TTN: variants seen among roughly 807,000 people sequenced by gnomAD.
TTN encodes titin.
Under a neutral mutation model 3,223.0 loss-of-function variants are expected in TTN, and 1,525 were observed. The observed-to-expected ratio is 0.47, with a 90% CI of 0.45 to 0.49. TTN has a LOEUF of 0.49. TTN is among the 20% of genes least tolerant of loss of function. The pLI is 0.00. For missense variants in TTN, 40,786 were observed against 43,424.0 expected (o/e 0.94, Z 5.40); for synonymous variants, 14,094 against 15,161.0 (o/e 0.93, Z 5.17).
Position 178,706,721 on chromosome 2 carries a change from A to C in TTN, c.29153T>G (p.Ile9718Ser), listed in dbSNP as rs4893852. 2.1e-5 allele frequency: 33 copies of C among 1,608,770 alleles called. No individual in the cohort carries two copies. The highest frequency in any genetic ancestry group is 2.7e-5 in the African/African-American group (2 of 74,644). ...GATTGGGTCACCTCCAACTTTTGCAATGAAGGTCGCAGTGGTTTCTAAGGA... is the reference window on the plus strand; with the variant it reads ...GATTGGGTCACCTCCAACTTTTGCACTGAAGGTCGCAGTGGTTTCTAAGGA... Reference protein sequence around the residue: ...RVVEKTTATFIAKVGGDPIPN... With the variant: ...RVVEKTTATFSAKVGGDPIPN... The change falls in exon 102 of 363, where the codon ATT (isoleucine) becomes AGT (serine). Residue 9718 changes from isoleucine to serine, a missense_variant. Coordinates refer to ENST00000589042, the MANE Select transcript of TTN (RefSeq NM_001267550.2).
chr2:178,695,842 C>G (rs2073607859), intron 114 of TTN, 23 bp downstream of exon 114: 3 of 1,368,626 alleles, frequency 2.2e-6, no homozygotes, highest in Non-Finnish European at 2.8e-6. Context: ...AAGAGGGAAA[C>G]AAGTCATTCA....
intron 3 of TTN, among the ~76,000 whole-genome samples, 157 bp downstream of exon 3, chr2:178,801,981 A>T (rs1452546677): frequency 4.6e-5 from 7 of 152,242 alleles, no homozygotes; most frequent in African/African-American, 1.7e-4. Flanking sequence ...TCCAAAAGGC[A>T]AACAACTTGG....
Position 178,615,221 on chromosome 2 carries a change from A to G in TTN, c.48638+86T>C, listed in dbSNP as rs1274511967. 3 of 1,498,468 alleles carry G rather than the reference A, an allele frequency of 2.0e-6. No homozygotes were observed. In the African/African-American group the frequency reaches 4.2e-5, roughly 21 times the overall value. The allele number at this position is 1,498,468 out of a possible 1,614,324, so 92.8% of individuals were successfully genotyped here. On this transcript the variant is annotated intron_variant, in intron 259 of 362. Transcript: ENST00000589042. ...GGCAGCATAGGATTCTCAATGAAAA[A>G]AGACAAACATTTAAATTTTCCCCAA... is the stretch of plus-strand genomic sequence containing the variant.
rs1259789379 is a variant in TTN, at chr2:178,673,195, G to C, written c.34786+438C>G. Among the ~76,000 whole-genome samples the C allele has an allele frequency of 3.3e-5, 5 of 151,658 alleles. No homozygotes were observed. The East Asian group carries it at 9.6e-4, about 29-fold the overall frequency. ...CATTTTGTAATAACCTTGAATGCTT[G>C]GGCTAAACATTACAAAAGGGACGTG... On this transcript the variant is annotated intron_variant, in intron 152 of 362. Coordinates refer to ENST00000589042, the MANE Select transcript of TTN (RefSeq NM_001267550.2).
rs755011962 is a variant in TTN at position 178,573,282 on chromosome 2, C to A, written c.72850G>T (p.Val24284Leu). The change falls in exon 326 of 363, where the codon GTG (valine) becomes TTG (leucine). Residue 24284 changes from valine (V) to leucine (L), a missense_variant. Coordinates refer to ENST00000589042, the MANE Select transcript of TTN (RefSeq NM_001267550.2). ...TCATGTCCTTCTGTCAGTCCAGACA[C>A]TTTATATCTTAAATCAGTAAGAGTT... ...KKTLTDLRYK[V>L]SGLTEGHEYE... 1 of 1,595,154 alleles carries A rather than the reference C, an allele frequency of 6.3e-7. No homozygotes were observed.
At chr2:178,685,178 C>T in intron 129 of TTN, 75 bp downstream of exon 129, 3 of 1,304,610 alleles carry the variant, frequency 2.3e-6, no homozygotes, top group Non-Finnish European at 3.2e-6. Flanking sequence ...ATGCATAAGA[C>T]AGTTATGCAA....
chr2:178,684,418 A>G lies in TTN; in HGVS notation c.32639-5T>C, dbSNP rs2154274689. The G allele has an allele frequency of 6.2e-7, 1 of 1,613,262 alleles. No homozygotes were observed. Among genetic ancestry groups the G allele is most frequent in the East Asian group, 2.2e-5 (1 of 44,866 alleles). On this transcript the variant is annotated splice_region_variant and splice_polypyrimidine_tract_variant and intron_variant, in intron 131 of 362. Coordinates refer to ENST00000589042, the MANE Select transcript of TTN (RefSeq NM_001267550.2). ...TTTGCATGTGCCTCTCAGTCACTTA[A>G]AAGATAATTTTAGGATTAGGGAGTT...
In TTN at chr2:178,688,776, C is replaced by T; in HGVS notation, c.32098G>A (p.Glu10700Lys). ...TCTACAACAGTTTTCTTAGAGACTTCAGCTTTAAGAAAGTGTTAAAGTTGA... is the reference window on the plus strand; with the variant it reads ...TCTACAACAGTTTTCTTAGAGACTTTAGCTTTAAGAAAGTGTTAAAGTTGA... ...VAKKAPPPRAEVSKKTVVEEK... is the reference protein window; with the variant it reads ...VAKKAPPPRAKVSKKTVVEEK... Residue 10700 changes from glutamate (E) to lysine (K), a missense_variant and splice_region_variant, in exon 126 of 363, where the codon GAA becomes AAA. Glu to Lys is a moderately conservative substitution (Grantham distance 56). Coordinates refer to ENST00000589042, the MANE Select transcript of TTN (RefSeq NM_001267550.2). The T allele has an allele frequency of 6.3e-7, 1 of 1,599,076 alleles. No individual in the cohort carries two copies. The highest frequency in any genetic ancestry group is 1.1e-5 in the South Asian group (1 of 90,312).
At position 178,723,577 on chromosome 2, in the gene TTN, T is replaced by C. The variant is rs373166589; in HGVS notation, c.21523A>G (p.Arg7175Gly). The stretch of plus-strand genomic sequence containing the variant: ...CACCGGTCTCCTTTCACTAGTTCTC[T>C]GGCACCTCTGAACCAGTTGACTTTG... ...PFKVNWFRGA[R>G]ELVKGDRCNI... Residue 7175 changes from arginine (R) to glycine (G), a missense_variant, in exon 74 of 363, where the codon AGA becomes GGA. Arg to Gly is a moderately radical substitution (Grantham distance 125). Coordinates refer to ENST00000589042, the MANE Select transcript of TTN (RefSeq NM_001267550.2). 7 of 1,613,328 alleles carry C rather than the reference T, an allele frequency of 4.3e-6. No individual in the cohort carries two copies. The highest frequency in any genetic ancestry group is 1.7e-5 in the Admixed American group (1 of 59,940).
rs202024134 is a variant in TTN at position 178,770,192 on chromosome 2, T to C, written c.8509A>G (p.Ser2837Gly). The C allele has an allele frequency of 1.2e-6, 2 of 1,614,162 alleles. No individual in the cohort carries two copies. Among genetic ancestry groups the C allele is most frequent in the Admixed American group, 3.3e-5 (2 of 60,020 alleles). ...TCTGAGACCAGTCTGTGTTTGTCAC[T>C]TGGCTTAATTTCCACACTCTTATGG... Reference protein sequence around the residue: ...WFHKSVEIKPSDKHRLVSERK... With the variant: ...WFHKSVEIKPGDKHRLVSERK... The change falls in exon 36 of 363, where the codon AGT becomes GGT. Residue 2837 changes from serine to glycine, a missense_variant. Coordinates refer to ENST00000589042, the MANE Select transcript of TTN (RefSeq NM_001267550.2).
rs912077130 is a variant in TTN at position 178,594,685 on chromosome 2, G to A, written c.57848-39C>T. Reference sequence around the variant, plus strand: ...TATAGGAATTGTGGTAGAAAAAAATGTCACATTAAGAATGTAGTAGGATGT... The same window carrying A: ...TATAGGAATTGTGGTAGAAAAAAATATCACATTAAGAATGTAGTAGGATGT... On this transcript the variant is annotated intron_variant, in intron 295 of 362. Coordinates refer to ENST00000589042, the MANE Select transcript of TTN (RefSeq NM_001267550.2). 2.7e-6 allele frequency: 4 copies of A among 1,496,618 alleles called. No individual in the cohort carries two copies. In the African/African-American group the frequency reaches 4.2e-5, roughly 16 times the overall value. The allele number at this position is 1,496,618 out of a possible 1,614,324, so 92.7% of individuals were successfully genotyped here. A position where few individuals can be genotyped will look rare whatever the true frequency, so the allele number is the denominator to read the frequency against.
At chr2:178,703,729 TTATC>T (rs1329257696) in intron 106 of TTN, among the ~76,000 whole-genome samples, 2 of 152,226 alleles carry the variant, frequency 1.3e-5, no homozygotes, top group African/African-American at 4.8e-5. Flanking sequence ...CATGTTTATG[TTATC>T]TATATAATTT....
chr2:178,625,093 T>C (rs1363756733), intron 241 of TTN, among the ~76,000 whole-genome samples, 180 bp downstream of exon 241: 3 of 151,934 alleles, frequency 2.0e-5, no homozygotes, highest in African/African-American at 4.8e-5. Flanking sequence ...CTAGTCAATT[T>C]TGGCTCTTTA....
chr2:178,707,031 C>T (rs947154531), intron 100 of TTN, 77 bp from the exon 101 acceptor site: 10 of 1,326,392 alleles, frequency 7.5e-6, no homozygotes, highest in East Asian at 2.5e-5. Context: ...TAAAATAAGC[C>T]TTAGGAGGTT....
Position 178,566,867 on chromosome 2 carries a change from A to G in TTN, c.79265T>C (p.Ile26422Thr), listed in dbSNP as rs3731745. Residue 26422 changes from isoleucine (I) to threonine (T), a missense_variant, in exon 326 of 363, where the codon ATT (isoleucine) becomes ACT (threonine). Ile to Thr is a moderately conservative substitution (Grantham distance 89, BLOSUM62 -1). Coordinates refer to ENST00000589042, the MANE Select transcript of TTN (RefSeq NM_001267550.2). ...SDGGSEIIGY[I>T]VEKRDRSGIR... ...GCCACTTCTGTCTCTTTTCTCTACA[A>G]TGTAACCAATAATCTCACTTCCACC... 36,926 of 1,613,394 alleles carry G rather than the reference A, an allele frequency of 0.023. 524 individuals carry two copies. The highest frequency in any genetic ancestry group is 0.063 in the East Asian group (2,826 of 44,774).
chr2:178,707,544 A>C lies in TTN; in HGVS notation c.29023T>G (p.Ser9675Ala). Reference protein sequence around the residue: ...SNVAGSDTTKSKVTIKDKPAV... With the variant: ...SNVAGSDTTKAKVTIKDKPAV... ...TCTGTACCTTTAATGGTCACTTTTG[A>C]TTTGGTAGTGTCACTTCCAGCCACA... is the stretch of plus-strand genomic sequence containing the variant. Residue 9675 changes from serine to alanine, a missense_variant, in exon 100 of 363, where the codon TCA (serine) becomes GCA (alanine). Transcript: ENST00000589042. 1 of 1,613,272 alleles carries C rather than the reference A, an allele frequency of 6.2e-7. No individual in the cohort carries two copies. The highest frequency in any genetic ancestry group is 8.5e-7 in the Non-Finnish European group (1 of 1,179,450).
chr2:178,770,793 A>G, intron 34 of TTN, 118 bp from the exon 35 acceptor site: 8 of 1,281,312 alleles, frequency 6.2e-6, no homozygotes, highest in South Asian at 1.2e-5. Flanking sequence ...AACATTTTAC[A>G]GTTATGCAGC....
intron 47 of TTN, chr2:178,745,983 A>C (rs755367122): frequency 6.2e-7 from 1 of 1,611,466 alleles, no homozygotes; most frequent in Non-Finnish European, 8.5e-7. Context: ...AATATTTCAG[A>C]ATCTCCCATG....
Position 178,771,276 on chromosome 2 carries a change from T to C in TTN, c.8051A>G (p.Asp2684Gly), listed in dbSNP as rs1008197005. ...RRLIIAATKLDDIGEYTYKVA... is the reference protein window; with the variant it reads ...RRLIIAATKLGDIGEYTYKVA... ...CTTGTAGGTATATTCTCCAATGTCA[T>C]CTAATTTGGTGGCAGCAATGATAAG... Residue 2684 changes from aspartate to glycine, a missense_variant, in exon 34 of 363, where the codon GAT (aspartate) becomes GGT (glycine). By Grantham distance (94) the Asp-to-Gly change is moderately conservative. Transcript: ENST00000589042. The C allele has an allele frequency of 5.0e-6, 8 of 1,613,998 alleles. No homozygotes were observed. The African/African-American group carries it at 9.3e-5, about 19-fold the overall frequency.
Sources: allele counts gnomAD v4.1 joint callset (sites outside exome capture counted in the v4.1 genomes callset), GRCh38; gene constraint gnomAD v4.1.1; transcripts MANE v1.5; gene names NCBI Gene and HGNC (gene_info 2026-07-23, HGNC 2026-07-21).